METTL15: variants seen among roughly 807,000 people sequenced by gnomAD.
METTL15 encodes 12S rRNA N(4)-cytidine methyltransferase METTL15.
In METTL15, 34 loss-of-function variants were observed where a neutral mutation model predicts 38.3. The observed-to-expected ratio is 0.89, with a 90% CI of 0.68 to 1.18. The LOEUF (loss-of-function observed/expected upper bound fraction) is 1.18. METTL15 is among the 50% of genes most tolerant of loss of function. METTL15 has a pLI of 0.00. For missense variants in METTL15, 438 were observed against 498.4 expected (o/e 0.88, Z 1.15); for synonymous variants, 162 against 170.9 (o/e 0.95, Z 0.41).
intron 5 of METTL15, among the ~76,000 whole-genome samples, chr11:28,396,940 A>T (rs1020760289): frequency 6.7e-6 from 1 of 150,320 alleles, no homozygotes; most frequent in Non-Finnish European, 1.5e-5. Context: ...AATACCACAC[A>T]TGTACAACCA....
chr11:28,190,941 C>G (rs1420412553), intron 3 of METTL15, among the ~76,000 whole-genome samples: 2 of 151,318 alleles, frequency 1.3e-5, no homozygotes, highest in East Asian at 3.9e-4. Context: ...GAGCCTTATC[C>G]TAGGTTTCAC....
downstream of METTL15, among the ~76,000 whole-genome samples, chr11:28,528,301 A>G (rs1720047086): frequency 6.6e-6 from 1 of 152,222 alleles, no homozygotes; most frequent in African/African-American, 2.4e-5. Flanking sequence ...TCTAAGCCCA[A>G]TAGGCACCAC....
At chr11:28,308,763 G>T (rs910655292) in intron 6 of METTL15, among the ~76,000 whole-genome samples, 5 of 152,004 alleles carry the variant, frequency 3.3e-5, no homozygotes. Flanking sequence ...ATCTCCAGGG[G>T]CAAGAAACCA....
At chr11:28,356,773 A>G (rs754147286) in intron 4 of METTL15, among the ~76,000 whole-genome samples, 2 of 152,240 alleles carry the variant, frequency 1.3e-5, no homozygotes, top group Non-Finnish European at 2.9e-5. Flanking sequence ...ATTATTTCAC[A>G]GGTTAATACC....
chr11:28,259,326 G>A (rs1855103002), intron 4 of METTL15, among the ~76,000 whole-genome samples: 1 of 152,028 alleles, frequency 6.6e-6, no homozygotes, highest in Non-Finnish European at 1.5e-5. Context: ...GAGTCATGAG[G>A]TGTGTAGCCT....
intron 6 of METTL15, among the ~76,000 whole-genome samples, chr11:28,468,437 G>T (rs1158483462): frequency 6.6e-6 from 1 of 152,154 alleles, no homozygotes; most frequent in Non-Finnish European, 1.5e-5. Flanking sequence ...GGACAGCAAA[G>T]CATGTCAGGC....
At position 28,353,797 on chromosome 11, in the gene METTL15, C is replaced by G. The variant is rs528715400; in HGVS notation, c.*258+1639C>G. 6.6e-5 allele frequency among the ~76,000 whole-genome samples: 10 copies of G among 151,552 alleles called. No individual in the cohort carries two copies. The South Asian group carries it at 2.1e-3, about 32-fold the overall frequency. On this transcript the variant is annotated intron_variant and NMD_transcript_variant, in intron 4 of 7. Coordinates refer to the METTL15 transcript ENST00000532947. The stretch of plus-strand genomic sequence containing the variant: ...AAAATTAGCCGGGCGCGGTGGCGGG[C>G]GCCTGTAGTCCCAGCTACTGGGGAG...
intron 4 of METTL15, among the ~76,000 whole-genome samples, chr11:28,289,350 T>G (rs530503335): frequency 6.6e-6 from 1 of 152,284 alleles, no homozygotes; most frequent in African/African-American, 2.4e-5. Flanking sequence ...AAGTTCACCT[T>G]AAACAACATA....
chr11:28,156,239 G>C (rs934143689), intron 3 of METTL15, among the ~76,000 whole-genome samples: 5 of 152,132 alleles, frequency 3.3e-5, no homozygotes, highest in Admixed American at 6.6e-5. Flanking sequence ...GTACCCAGTT[G>C]AGGAAGAAGT....
chr11:28,329,290 A>G (rs532738953), intron 6 of METTL15, among the ~76,000 whole-genome samples: 3 of 152,218 alleles, frequency 2.0e-5, no homozygotes, highest in South Asian at 2.1e-4. Context: ...TTGACTCTCA[A>G]TTACATTCTA....
chr11:28,342,015 A>T (rs1407953514), intron 3 of METTL15, among the ~76,000 whole-genome samples: 1 of 152,198 alleles, frequency 6.6e-6, no homozygotes, highest in Non-Finnish European at 1.5e-5. Flanking sequence ...TTCATGAGAA[A>T]AGGGGATTTC....
intron 3 of METTL15, among the ~76,000 whole-genome samples, chr11:28,120,899 G>T (rs1464307163): frequency 1.3e-5 from 2 of 151,692 alleles, no homozygotes; most frequent in African/African-American, 4.8e-5. Flanking sequence ...ATTTTAATGA[G>T]TACATAGCAG....
rs1849761845 is a variant in METTL15, at chr11:28,329,983, A to T, written c.779-413A>T. Among the ~76,000 whole-genome samples the T allele has an allele frequency of 3.3e-5, 5 of 151,492 alleles. No homozygotes were observed. The South Asian group carries it at 1.0e-3, about 32-fold the overall frequency. On this transcript the variant is annotated intron_variant, in intron 6 of 6. Transcript: ENST00000407364. ...GTAATGAATTTTCTTTTCTGTTGGC[A>T]TTTTTTTTGTTGTTATCTTTGGCTG...
intron 5 of METTL15, among the ~76,000 whole-genome samples, chr11:28,390,176 G>A (rs1402991788): frequency 6.6e-6 from 1 of 151,902 alleles, no homozygotes; most frequent in Non-Finnish European, 1.5e-5. Context: ...CATTCTGTAG[G>A]TTGCCTGTTC....
At chr11:28,207,093 C>G (rs925318394) in intron 3 of METTL15, among the ~76,000 whole-genome samples, 4 of 147,192 alleles carry the variant, frequency 2.7e-5, no homozygotes, top group Non-Finnish European at 5.9e-5. Context: ...AATTGAATAC[C>G]TTTTATTTCC....
chr11:28,319,983 T>C (rs1392300893), intron 6 of METTL15, among the ~76,000 whole-genome samples: 1 of 152,178 alleles, frequency 6.6e-6, no homozygotes, highest in Non-Finnish European at 1.5e-5. Flanking sequence ...TGAGCATGTA[T>C]AATTCTTCTT....
chr11:28,502,033 G>A (rs566514397), intron 6 of METTL15, among the ~76,000 whole-genome samples: 27 of 151,568 alleles, frequency 1.8e-4, no homozygotes, highest in African/African-American at 5.8e-4. Context: ...TCCAGGAGGC[G>A]GAGCTTGCAG....
chr11:28,287,034 G>A (rs747533939), intron 4 of METTL15, among the ~76,000 whole-genome samples: 13 of 147,682 alleles, frequency 8.8e-5, no homozygotes, highest in East Asian at 6.0e-4. Context: ...TGTACTCTCC[G>A]CACTATATAT....
chr11:28,394,718 G>T (rs1241151252), intron 5 of METTL15, among the ~76,000 whole-genome samples: 1 of 152,008 alleles, frequency 6.6e-6, no homozygotes, highest in Non-Finnish European at 1.5e-5. Flanking sequence ...AGACATTATT[G>T]CTGCTGTCTA....
Sources: gnomAD v4.1 joint callset for allele counts (sites outside exome capture counted in the v4.1 genomes callset) on GRCh38, gnomAD v4.1.1 for gene constraint, MANE v1.5 for transcripts, NCBI Gene and HGNC (gene_info 2026-07-23, HGNC 2026-07-21) for gene names.